The following PDE10A variants were observed in gnomAD, a reference collection of about 807,000 sequenced individuals.
PDE10A encodes the protein phosphodiesterase 10A.
In PDE10A, 39 loss-of-function variants were observed where a neutral mutation model predicts 97.7. That is an observed-to-expected ratio of 0.40 (90% CI 0.31 to 0.52). The LOEUF (loss-of-function observed/expected upper bound fraction) is 0.52, where lower values mean the gene tolerates loss of function less well. PDE10A is among the 20% of genes least tolerant of loss of function. The probability of loss-of-function intolerance (pLI) is 0.56; values close to 1 mark genes in which losing one functional copy is unlikely to be tolerated. For synonymous variants in PDE10A, 371 were observed against 376.8 expected (o/e 0.98, Z 0.18); for missense variants, 731 against 1,047.8 (o/e 0.70, Z 4.17).
At chr6:165,573,745 G>T (rs1400804296) in intron 1 of PDE10A, among the ~76,000 whole-genome samples, 3 of 152,102 alleles carry the variant, frequency 2.0e-5, no homozygotes, top group Non-Finnish European at 4.4e-5. Context: ...CAGGAATCTG[G>T]CCTACAGTCA....
chr6:165,963,631 A>G (rs893657207), intron 1 of PDE10A, among the ~76,000 whole-genome samples: 3 of 152,338 alleles, frequency 2.0e-5, no homozygotes, highest in East Asian at 1.9e-4. Context: ...ACTAATAAAG[A>G]AAAGGGCCCA....
At chr6:165,951,916 G>A (rs1455864162) in intron 1 of PDE10A, among the ~76,000 whole-genome samples, 1 of 152,192 alleles carries the variant, frequency 6.6e-6, no homozygotes, top group African/African-American at 2.4e-5. Context: ...CTCTTCAACT[G>A]GCATTTTATC....
intron 1 of PDE10A, among the ~76,000 whole-genome samples, chr6:165,756,130 A>G (rs1793112428): frequency 6.6e-6 from 1 of 152,224 alleles, no homozygotes; most frequent in Non-Finnish European, 1.5e-5. Flanking sequence ...ATTATTTCAC[A>G]AAAATCATTT....
intron 1 of PDE10A, among the ~76,000 whole-genome samples, chr6:165,877,966 CG>C (rs1781388324): frequency 6.6e-6 from 1 of 152,160 alleles, no homozygotes; most frequent in African/African-American, 2.4e-5. Flanking sequence ...GATAAAAACA[CG>C]GGTCTTTCCA....
chr6:165,668,931 C>A (rs1321973988), intron 1 of PDE10A, among the ~76,000 whole-genome samples: 1 of 152,096 alleles, frequency 6.6e-6, no homozygotes, highest in Non-Finnish European at 1.5e-5. Context: ...TGTTCAAGTG[C>A]AGAACAGAAA....
chr6:165,873,563 CTGAGCT>C (rs200757939), intron 1 of PDE10A, among the ~76,000 whole-genome samples: 9,241 of 152,238 alleles, frequency 0.061, 322 homozygotes, highest in Non-Finnish European at 0.074. Flanking sequence ...ATTTTAAAAA[CTGAGCT>C]TTGTATTACA....
intron 13 of PDE10A, among the ~76,000 whole-genome samples, chr6:165,404,366 A>C (rs937208252): frequency 6.6e-6 from 1 of 152,064 alleles, no homozygotes; most frequent in African/African-American, 2.4e-5. Flanking sequence ...GAGGAGCTGA[A>C]CTGAGAACTC....
intron 1 of PDE10A, among the ~76,000 whole-genome samples, chr6:165,910,054 G>A (rs6909189): frequency 0.059 from 8,990 of 152,130 alleles, 323 homozygotes; most frequent in Middle Eastern, 0.13. Context: ...TGCAAGGCTC[G>A]GGGATTTTAC....
chr6:165,474,213 TA>T (rs1779170412), intron 3 of PDE10A, among the ~76,000 whole-genome samples: 1 of 152,204 alleles, frequency 6.6e-6, no homozygotes. Flanking sequence ...AGGAGGTTCT[TA>T]AGCAGTATTG....
chr6:165,763,331 G>A (rs1407237558), intron 1 of PDE10A, among the ~76,000 whole-genome samples: 1 of 152,054 alleles, frequency 6.6e-6, no homozygotes, highest in African/African-American at 2.4e-5. Flanking sequence ...GTGTTTGTTT[G>A]TTTGTTTTTG....
At chr6:165,564,973 C>G (rs898586073) in intron 1 of PDE10A, among the ~76,000 whole-genome samples, 1 of 151,984 alleles carries the variant, frequency 6.6e-6, no homozygotes, top group African/African-American at 2.4e-5. Flanking sequence ...AAAAATAACT[C>G]AACTATATGT....
intron 1 of PDE10A, among the ~76,000 whole-genome samples, chr6:165,846,642 A>G (rs1344929657): frequency 6.6e-6 from 1 of 152,236 alleles, no homozygotes; most frequent in African/African-American, 2.4e-5. Flanking sequence ...CAATCCTCTG[A>G]GGAATCCGAA....
At chr6:165,358,857 C>A (rs1451956944) in intron 18 of PDE10A, among the ~76,000 whole-genome samples, 1 of 151,600 alleles carries the variant, frequency 6.6e-6, no homozygotes, top group Middle Eastern at 3.4e-3. Flanking sequence ...TATGCATATT[C>A]TAATCTCTAG....
chr6:165,768,729 CT>C (rs985778503), intron 1 of PDE10A, among the ~76,000 whole-genome samples: 55 of 152,192 alleles, frequency 3.6e-4, no homozygotes, highest in African/African-American at 1.1e-3. Context: ...TCACTTTTCC[CT>C]GAATGTCATT....
chr6:165,463,662 A>G (rs966994332), intron 3 of PDE10A, among the ~76,000 whole-genome samples: 2 of 148,712 alleles, frequency 1.3e-5, no homozygotes, highest in Non-Finnish European at 2.9e-5. Context: ...GAAGGGGGAC[A>G]TGTTGGGAAT....
intron 1 of PDE10A, among the ~76,000 whole-genome samples, chr6:165,805,366 A>T (rs893398323): frequency 6.6e-6 from 1 of 152,058 alleles, no homozygotes; most frequent in East Asian, 1.9e-4. Flanking sequence ...CCCCGGAGGG[A>T]GGCGGAAGAA....
intron 1 of PDE10A, among the ~76,000 whole-genome samples, chr6:165,806,502 C>T (rs948871050): frequency 6.6e-6 from 1 of 152,216 alleles, no homozygotes; most frequent in African/African-American, 2.4e-5. Flanking sequence ...TGCCCTGTCT[C>T]CACAGTTTCT....
intron 5 of PDE10A, among the ~76,000 whole-genome samples, chr6:165,440,070 T>C (rs774150372): frequency 6.6e-6 from 1 of 152,318 alleles, no homozygotes; most frequent in South Asian, 2.1e-4. Flanking sequence ...AAAAAAAGTA[T>C]TTAGGTTTAC....
intron 2 of PDE10A, among the ~76,000 whole-genome samples, chr6:165,504,343 T>A (rs1781069907): frequency 6.7e-6 from 1 of 149,842 alleles, no homozygotes; most frequent in African/African-American, 2.6e-5. Flanking sequence ...TATAAAAAAA[T>A]TAAACCGTGA....
Sources: allele counts gnomAD v4.1 joint callset (sites outside exome capture counted in the v4.1 genomes callset), GRCh38; gene constraint gnomAD v4.1.1; transcripts MANE v1.5; gene names NCBI Gene and HGNC (gene_info 2026-07-23, HGNC 2026-07-21).